PTPRN2: variants seen among roughly 807,000 people sequenced by gnomAD.
PTPRN2 encodes the protein receptor-type tyrosine-protein phosphatase N2.
In PTPRN2, 74 loss-of-function variants were observed where a neutral mutation model predicts 118.8. That is an observed-to-expected ratio of 0.62 (90% confidence interval 0.52 to 0.76). PTPRN2 has a LOEUF of 0.76. Among genes scored for constraint, PTPRN2 ranks in the 30% least tolerant of loss-of-function variants. The pLI, the probability that PTPRN2 is intolerant of heterozygous loss-of-function variation, is 0.00. For synonymous variants in PTPRN2, 641 were observed against 608.0 expected (o/e 1.05, Z -0.80); for missense variants, 1,481 against 1,394.4 (o/e 1.06, Z -0.99).
In PTPRN2 at chr7:157,820,145, CCA is replaced by C. The variant is rs1221180385; in HGVS notation, c.1788+78526_1788+78527del. 2.0e-5 allele frequency among the ~76,000 whole-genome samples: 3 copies of C among 148,176 alleles called. No individual in the cohort carries two copies. In the East Asian group the frequency reaches 6.0e-4, roughly 30 times the overall value. ...CCACATACATGCACACAGCAGACCC[CCA>C]CACACGCACACACATATAGAACACC... On this transcript the variant is annotated intron_variant, in intron 12 of 22. Coordinates refer to ENST00000389418, the MANE Select transcript of PTPRN2 (RefSeq NM_002847.5).
chr7:158,240,409 CA>C (rs1396152913), intron 3 of PTPRN2, among the ~76,000 whole-genome samples: 1 of 152,170 alleles, frequency 6.6e-6, no homozygotes, highest in Non-Finnish European at 1.5e-5. Context: ...GCAGAAAGAC[CA>C]GGTGTGTGGG....
intron 12 of PTPRN2, among the ~76,000 whole-genome samples, chr7:157,737,923 C>T: frequency 6.6e-6 from 1 of 152,200 alleles, no homozygotes; most frequent in Non-Finnish European, 1.5e-5. Context: ...CTTGGCCAGA[C>T]CTGCAGCAGC....
chr7:157,565,623 C>T (rs1585039726), intron 21 of PTPRN2, among the ~76,000 whole-genome samples: 1 of 152,228 alleles, frequency 6.6e-6, no homozygotes, highest in East Asian at 1.9e-4. Context: ...ATGGCTCAGC[C>T]CACCTCATCT....
chr7:157,829,083 C>T (rs922034798), intron 12 of PTPRN2, among the ~76,000 whole-genome samples: 3 of 152,262 alleles, frequency 2.0e-5, no homozygotes, highest in Admixed American at 1.3e-4. Context: ...CAGCGCGGGG[C>T]GCAGCCGGGC....
intron 11 of PTPRN2, among the ~76,000 whole-genome samples, chr7:157,982,240 G>A (rs12698118): frequency 2.1e-3 from 215 of 103,618 alleles, no homozygotes; most frequent in Non-Finnish European, 2.7e-3. Context: ...TGCAGAGTGC[G>A]GGGTCCCCCC....
At position 158,183,997 on chromosome 7, in the gene PTPRN2, G is replaced by A. The variant is rs80001706; in HGVS notation, c.549+8330C>T. Among the ~76,000 whole-genome samples, 648 of 151,920 alleles carry A rather than the reference G, an allele frequency of 4.3e-3. 15 individuals carry two copies. In the East Asian group the frequency reaches 0.061, roughly 14 times the overall value. On this transcript the variant is annotated intron_variant, in intron 5 of 22. Transcript: ENST00000389418. ...TAATGTGCTGCTTTTTTAGTTTTTA[G>A]AGATTTTTATACATTCTGAAATTTT...
intron 11 of PTPRN2, among the ~76,000 whole-genome samples, chr7:157,924,091 C>G (rs1278954854): frequency 1.3e-5 from 2 of 152,066 alleles, no homozygotes; most frequent in Non-Finnish European, 2.9e-5. Flanking sequence ...CGCTGGGGAG[C>G]TGGAGGAGGG....
At chr7:158,457,132 G>A (rs1450434316) in intron 2 of PTPRN2, among the ~76,000 whole-genome samples, 3 of 152,172 alleles carry the variant, frequency 2.0e-5, no homozygotes, top group Non-Finnish European at 2.9e-5. Flanking sequence ...CGCACGCAGG[G>A]TGGATTCAGT....
chr7:158,143,984 G>T (rs1052822474), intron 6 of PTPRN2, among the ~76,000 whole-genome samples: 3 of 152,204 alleles, frequency 2.0e-5, no homozygotes, highest in East Asian at 1.9e-4. Context: ...GCCACCACCT[G>T]CCCAGACGAC....
intron 11 of PTPRN2, among the ~76,000 whole-genome samples, chr7:158,038,111 T>C (rs1808210887): frequency 6.6e-6 from 1 of 152,228 alleles, no homozygotes; most frequent in African/African-American, 2.4e-5. Context: ...GCACACTTTG[T>C]ATATGTTATA....
intron 11 of PTPRN2, among the ~76,000 whole-genome samples, chr7:157,899,721 G>A (rs1021495638): frequency 7.2e-5 from 11 of 152,214 alleles, no homozygotes; most frequent in African/African-American, 2.4e-4. Context: ...CCTCCCTGCT[G>A]TTGGGGCCTC....
At chr7:158,567,771 C>CA (rs1009016404) in intron 1 of PTPRN2, among the ~76,000 whole-genome samples, 5 of 152,162 alleles carry the variant, frequency 3.3e-5, no homozygotes, top group African/African-American at 9.7e-5. Flanking sequence ...TGCACCCCCC[C>CA]ACACCTGATG....
chr7:157,873,922 C>T (rs1324578017), intron 12 of PTPRN2, among the ~76,000 whole-genome samples: 3 of 152,086 alleles, frequency 2.0e-5, no homozygotes, highest in Admixed American at 6.5e-5. Context: ...GAGGGCCGTC[C>T]GGGGAAAGTT....
intron 11 of PTPRN2, among the ~76,000 whole-genome samples, chr7:157,993,597 G>A (rs1316946028): frequency 6.6e-6 from 1 of 152,262 alleles, no homozygotes; most frequent in South Asian, 2.1e-4. Context: ...GCCAGAGGTC[G>A]GCCAGCCGGG....
intron 11 of PTPRN2, among the ~76,000 whole-genome samples, chr7:158,073,204 C>G (rs1812075981): frequency 6.6e-6 from 1 of 152,254 alleles, no homozygotes; most frequent in Non-Finnish European, 1.5e-5. Flanking sequence ...CCTACTGCTT[C>G]TGTCGAGTTG....
intron 2 of PTPRN2, among the ~76,000 whole-genome samples, chr7:158,396,578 C>T (rs1415463313): frequency 6.6e-6 from 1 of 152,126 alleles, no homozygotes; most frequent in African/African-American, 2.4e-5. Flanking sequence ...GATGGACAAG[C>T]AGCCAGGATG....
intron 12 of PTPRN2, among the ~76,000 whole-genome samples, chr7:157,886,547 A>G (rs1290050296): frequency 2.6e-5 from 4 of 152,230 alleles, no homozygotes; most frequent in African/African-American, 9.6e-5. Flanking sequence ...TTGAGAAGGC[A>G]TCCGTGAGCC....
chr7:158,560,740 G>A lies in PTPRN2; in HGVS notation c.112+26818C>T, dbSNP rs188274643. Among the ~76,000 whole-genome samples, 53 of 152,356 alleles carry A rather than the reference G, an allele frequency of 3.5e-4. No individual in the cohort carries two copies. The East Asian group carries it at 0.01, about 29-fold the overall frequency. On this transcript the variant is annotated intron_variant, in intron 1 of 22. Transcript: ENST00000389418. The stretch of plus-strand genomic sequence containing the variant: ...GAGAACAGACATCAACCATGTGAAT[G>A]TTACTCCTTAAGTTAGAGCCAAAGA...
At chr7:158,431,237 GGGCTCACACT>G (rs908130057) in intron 2 of PTPRN2, among the ~76,000 whole-genome samples, 10 of 150,952 alleles carry the variant, frequency 6.6e-5, no homozygotes, top group East Asian at 3.9e-4. Context: ...GGTATACACT[GGGCTCACACT>G]GGCTCACACT....
Sources: gnomAD v4.1 joint callset for allele counts (sites outside exome capture counted in the v4.1 genomes callset) on GRCh38, gnomAD v4.1.1 for gene constraint, MANE v1.5 for transcripts, NCBI Gene and HGNC (gene_info 2026-07-23, HGNC 2026-07-21) for gene names.